Variants in DDX60L observed in about 807,000 individuals in gnomAD.
DDX60L encodes DExD/H-box 60 like, also known as probable ATP-dependent RNA helicase DDX60-like.
DDX60L carries 191 observed loss-of-function variants against 211.6 expected under a neutral mutation model. That is an observed-to-expected ratio of 0.90 (90% CI 0.80 to 1.02). DDX60L has a LOEUF of 1.02. Ranked by LOEUF, DDX60L falls within the 50% of genes least tolerant of loss-of-function variation. DDX60L has a pLI of 0.00. For synonymous variants in DDX60L, 706 were observed against 694.1 expected, an observed-to-expected ratio of 1.02 and a Z score of -0.27; for missense variants, 2,007 against 1,984.1, an observed-to-expected ratio of 1.01 and a Z score of -0.22.
chr4:168,470,554 A>C (rs187982214), intron 4 of DDX60L: 1 of 152,532 alleles, frequency 6.6e-6, no homozygotes, highest in East Asian at 1.9e-4. Flanking sequence ...TTATACAAAG[A>C]GTTCATACTG....
intron 9 of DDX60L, among the ~76,000 whole-genome samples, chr4:168,446,463 A>C (rs896941206): frequency 6.6e-6 from 1 of 152,216 alleles, no homozygotes; most frequent in Non-Finnish European, 1.5e-5. Flanking sequence ...GCCCAAGGTG[A>C]TTTACAGATT....
chr4:168,379,877 G>A, intron 30 of DDX60L, 47 bp from the exon 31 acceptor site: 6 of 1,317,704 alleles, frequency 4.6e-6, no homozygotes, highest in Non-Finnish European at 6.5e-6. Context: ...AACAGTATTT[G>A]TAAATACTGA....
intron 36 of DDX60L, among the ~76,000 whole-genome samples, chr4:168,368,856 C>T (rs1038765095): frequency 6.6e-6 from 1 of 152,186 alleles, no homozygotes; most frequent in African/African-American, 2.4e-5. Context: ...GGGCCTGTAG[C>T]CCCTTTGTTT....
chr4:168,474,220 C>CAGATG (rs1455324698), intron 1 of DDX60L, among the ~76,000 whole-genome samples: 2 of 152,180 alleles, frequency 1.3e-5, no homozygotes, highest in Non-Finnish European at 2.9e-5. Flanking sequence ...AGTGACATTT[C>CAGATG]AGATGAGCCC....
chr4:168,366,893 G>A (rs1351660986), intron 36 of DDX60L, among the ~76,000 whole-genome samples: 5 of 151,802 alleles, frequency 3.3e-5, no homozygotes, highest in East Asian at 3.9e-4. Context: ...GAACACACAC[G>A]AGGGAAAAGG....
intron 19 of DDX60L, among the ~76,000 whole-genome samples, chr4:168,418,700 C>A (rs1749976267): frequency 6.6e-6 from 1 of 152,170 alleles, no homozygotes; most frequent in African/African-American, 2.4e-5. Context: ...ATTTACAGTT[C>A]TTTCCATTCA....
At chr4:168,389,657 ATAATAACTTAGT>A (rs1744460247) in intron 29 of DDX60L, among the ~76,000 whole-genome samples, 1 of 152,248 alleles carries the variant, frequency 6.6e-6, no homozygotes, top group Admixed American at 6.5e-5. Context: ...ATATTTCTAA[ATAATAACTTAGT>A]TATTGAGTGA....
intron 22 of DDX60L, among the ~76,000 whole-genome samples, chr4:168,413,224 A>C (rs1748989979): frequency 6.6e-6 from 1 of 152,224 alleles, no homozygotes; most frequent in Non-Finnish European, 1.5e-5. Flanking sequence ...GGAAAGACAA[A>C]GATATGTGAC....
Position 168,456,140 on chromosome 4 carries a change from G to C in DDX60L, c.736C>G (p.Leu246Val), listed in dbSNP as rs764873242. 1.3e-6 allele frequency: 2 copies of C among 1,576,526 alleles called. No individual in the cohort carries two copies. Among genetic ancestry groups the C allele is most frequent in the East Asian group, 4.7e-5 (2 of 42,164 alleles). The stretch of plus-strand genomic sequence containing the variant: ...GACCATAGGTGCTGAAGCAGAAATA[G>C]AGTCTGATACGCCTATCAAAAAAGA... ...NDMMEEAYQT[L>V]FLLQHLWSEG... Residue 246 changes from leucine to valine, a missense_variant, in exon 7 of 38, where the codon CTA becomes GTA. Physicochemically the swap from Leu to Val is conservative, Grantham distance 32. Transcript: ENST00000682922.
intron 30 of DDX60L, among the ~76,000 whole-genome samples, chr4:168,383,887 C>T (rs956440850): frequency 1.3e-5 from 2 of 152,122 alleles, no homozygotes; most frequent in South Asian, 2.1e-4. Context: ...TGTCTTTGAG[C>T]GTGTTGCCAA....
rs559040106 is a variant in DDX60L at position 168,393,307 on chromosome 4, C to G, written c.3810+1158G>C. 3.3e-5 allele frequency among the ~76,000 whole-genome samples: 5 copies of G among 152,134 alleles called. No homozygotes were observed. In the South Asian group the frequency reaches 1.0e-3, roughly 32 times the overall value. On this transcript the variant is annotated intron_variant, in intron 28 of 37. Coordinates refer to ENST00000682922, the MANE Select transcript of DDX60L (RefSeq NM_001012967.3). ...GGTCAGGAGTTTGAGACCAGCGTGG[C>G]CAACATGGTGAAACCCTGTCTCTAC...
chr4:168,390,336 C>G (rs1744581680), intron 29 of DDX60L: 9 of 1,161,674 alleles, frequency 7.7e-6, no homozygotes, highest in Non-Finnish European at 9.5e-6. Context: ...TGAAAAATTC[C>G]AGCTCAGGGA....
At chr4:168,472,044 C>A in intron 3 of DDX60L, 108 bp from the exon 4 acceptor site, 3 of 809,936 alleles carry the variant, frequency 3.7e-6, no homozygotes, top group East Asian at 5.5e-5. Flanking sequence ...GTACCTCATG[C>A]CAGTCCATGA....
intron 5 of DDX60L, among the ~76,000 whole-genome samples, chr4:168,460,379 T>G (rs1757162058): frequency 6.6e-6 from 1 of 152,210 alleles, no homozygotes; most frequent in African/African-American, 2.4e-5. Context: ...TTTGTCAGTC[T>G]TCTTCATTTC....
chr4:168,465,104 A>T (rs1414730516), intron 4 of DDX60L, among the ~76,000 whole-genome samples: 1 of 151,982 alleles, frequency 6.6e-6, no homozygotes, highest in African/African-American at 2.4e-5. Context: ...AATTAATTCA[A>T]ATTCATACCA....
At chr4:168,392,772 G>A (rs1399705909) in intron 28 of DDX60L, among the ~76,000 whole-genome samples, 2 of 150,872 alleles carry the variant, frequency 1.3e-5, no homozygotes, top group Non-Finnish European at 2.9e-5. Context: ...CCCTGGAGAC[G>A]GACGTTGCAG....
At chr4:168,375,619 A>T (rs1741822155) in intron 33 of DDX60L, 95 bp from the exon 34 acceptor site, 1 of 1,132,322 alleles carries the variant, frequency 8.8e-7, no homozygotes, top group Non-Finnish European at 1.2e-6. Flanking sequence ...CTGTAGATTG[A>T]TGCTCATTCA....
intron 13 of DDX60L, among the ~76,000 whole-genome samples, chr4:168,429,383 C>T (rs942848894): frequency 1.3e-5 from 2 of 152,172 alleles, no homozygotes; most frequent in Non-Finnish European, 2.9e-5. Flanking sequence ...CTCCTGACCT[C>T]AGGTGATCCG....
intron 22 of DDX60L, among the ~76,000 whole-genome samples, chr4:168,407,986 G>A (rs1748046015): frequency 6.6e-6 from 1 of 152,192 alleles, no homozygotes; most frequent in African/African-American, 2.4e-5. Flanking sequence ...AATTTATGAA[G>A]CTAGCTAGTT....
Sources: gnomAD v4.1 joint callset for allele counts (sites outside exome capture counted in the v4.1 genomes callset) on GRCh38, gnomAD v4.1.1 for gene constraint, MANE v1.5 for transcripts, NCBI Gene and HGNC (gene_info 2026-07-23, HGNC 2026-07-21) for gene names.